The following NUP93 variants were observed in gnomAD, a reference collection of about 807,000 sequenced individuals.
NUP93 encodes nuclear pore complex protein Nup93.
Under a neutral mutation model 107.8 loss-of-function variants are expected in NUP93, and 55 were observed. That is an observed-to-expected ratio of 0.51 (90% CI 0.41 to 0.64). NUP93 has a LOEUF of 0.64. NUP93 is among the 30% of genes least tolerant of loss of function. The pLI, the probability that NUP93 is intolerant of heterozygous loss-of-function variation, is 0.00. For missense variants in NUP93, 937 were observed against 1,044.7 expected (o/e 0.90, Z 1.42); for synonymous variants, 390 against 397.5 (o/e 0.98, Z 0.22).
At chr16:56,795,837 G>C (rs1962885120) in intron 3 of NUP93, among the ~76,000 whole-genome samples, 1 of 152,040 alleles carries the variant, frequency 6.6e-6, no homozygotes, top group Admixed American at 6.6e-5. Context: ...AGTAGAGACA[G>C]GGTTTCACCA....
intron 3 of NUP93, among the ~76,000 whole-genome samples, chr16:56,788,920 T>C (rs1962691512): frequency 6.6e-6 from 1 of 152,230 alleles, no homozygotes; most frequent in East Asian, 1.9e-4. Flanking sequence ...TCCCTGTAGC[T>C]TTCCCCTCTG....
intron 12 of NUP93, 107 bp from the exon 13 acceptor site, chr16:56,833,108 G>A (rs541869898): frequency 3.6e-5 from 33 of 910,124 alleles, no homozygotes; most frequent in Non-Finnish European, 4.7e-5. Context: ...CTTTCTTCCT[G>A]TCCAGCAAGT....
intron 3 of NUP93, chr16:56,782,578 A>T (rs577373396): frequency 1.3e-5 from 2 of 152,244 alleles, no homozygotes; most frequent in African/African-American, 4.8e-5. Flanking sequence ...TTCTTGTATG[A>T]GGTGGAATAT....
chr16:56,832,253 G>A (rs756473498), intron 11 of NUP93, 42 bp from the exon 12 acceptor site: 59 of 1,515,858 alleles, frequency 3.9e-5, no homozygotes, highest in Non-Finnish European at 5.4e-5. Context: ...GTGGCTCAGG[G>A]TGTCATTTGT....
chr16:56,842,805 G>C (rs116756784), intron 21 of NUP93: 1 of 328,642 alleles, frequency 3.0e-6, no homozygotes, highest in Non-Finnish European at 6.0e-6. Flanking sequence ...CCCCAACCTC[G>C]GCCTCCCAAA....
At chr16:56,833,184 G>C in intron 12 of NUP93, 31 bp from the exon 13 acceptor site, 4 of 1,566,418 alleles carry the variant, frequency 2.6e-6, no homozygotes, top group Non-Finnish European at 3.4e-6. Context: ...TTCTAAGTTG[G>C]TTTTATCTCC....
intron 21 of NUP93, among the ~76,000 whole-genome samples, chr16:56,842,176 T>C (rs1183261342): frequency 6.6e-6 from 1 of 152,260 alleles, no homozygotes; most frequent in Non-Finnish European, 1.5e-5. Context: ...AACACTTTTA[T>C]TAAAACCATA....
intron 5 of NUP93, among the ~76,000 whole-genome samples, chr16:56,809,473 G>T (rs1963264788): frequency 6.6e-6 from 1 of 152,096 alleles, no homozygotes; most frequent in African/African-American, 2.4e-5. Context: ...AAAAATTATG[G>T]TGCTAGGTGT....
At position 56,832,032 on chromosome 16, in the gene NUP93, A is replaced by G. The variant is rs1333939762; in HGVS notation, c.1251+25A>G. The G allele has an allele frequency of 6.2e-6, 10 of 1,612,906 alleles. No individual in the cohort carries two copies. The East Asian group carries it at 1.6e-4, about 25-fold the overall frequency. ...GGTAGGCACTGTTTCCCCTGCCCAC[A>G]TAGGGCTTTACCCCTTTTCTGTGCT... On this transcript the variant is annotated intron_variant, in intron 11 of 21. Coordinates refer to ENST00000308159, the MANE Select transcript of NUP93 (RefSeq NM_014669.5).
chr16:56,841,621 C>T lies in NUP93; in HGVS notation c.2221-84C>T. ...TGAGGAGTGGTGCAACCAGGCCTGC[C>T]TGGAGCAGCCCACCCTCCCTCCATC... On this transcript the variant is annotated intron_variant, in intron 20 of 21. Coordinates refer to ENST00000308159, the MANE Select transcript of NUP93 (RefSeq NM_014669.5). The T allele has an allele frequency of 2.6e-6, 4 of 1,542,726 alleles. No individual in the cohort carries two copies. In the South Asian group the frequency reaches 4.9e-5, roughly 19 times the overall value.
intron 18 of NUP93, among the ~76,000 whole-genome samples, chr16:56,838,626 T>G (rs1304214203): frequency 3.3e-5 from 5 of 152,188 alleles, no homozygotes; most frequent in Admixed American, 6.5e-5. Context: ...AGTGCAGTAG[T>G]GCAGTCATAG....
chr16:56,833,227 T>C lies in NUP93; in HGVS notation c.1358T>C (p.Phe453Ser). 1 of 1,598,474 alleles carries C rather than the reference T, an allele frequency of 6.3e-7. No homozygotes were observed. Among genetic ancestry groups the C allele is most frequent in the Non-Finnish European group, 8.5e-7 (1 of 1,174,484 alleles). ...QLLEDYGESHFTVNQQPFLYF... is the reference protein window; with the variant it reads ...QLLEDYGESHSTVNQQPFLYF... ...TCCTCTCTCCCAGGCGAGTCCCACT[T>C]TACGGTGAACCAGCAACCCTTCCTC... The change falls in exon 13 of 22, where the codon TTT (phenylalanine) becomes TCT (serine). Residue 453 changes from phenylalanine (F) to serine (S), a missense_variant. Transcript: ENST00000308159.
intron 2 of NUP93, among the ~76,000 whole-genome samples, chr16:56,753,703 C>T (rs147279166): frequency 3.6e-4 from 54 of 151,952 alleles, no homozygotes; most frequent in African/African-American, 1.3e-3. Context: ...GAATCTTCAA[C>T]AAAGATTATA....
intron 3 of NUP93, among the ~76,000 whole-genome samples, chr16:56,780,380 A>G (rs1303778059): frequency 1.3e-5 from 2 of 152,226 alleles, no homozygotes; most frequent in African/African-American, 4.8e-5. Flanking sequence ...AATAAAACAA[A>G]GGAAATCATG....
At chr16:56,823,441 C>T (rs868095748) in intron 7 of NUP93, among the ~76,000 whole-genome samples, 5 of 152,080 alleles carry the variant, frequency 3.3e-5, no homozygotes, top group Admixed American at 2.6e-4. Flanking sequence ...TAATTATGTA[C>T]GTGGTTATGT....
intron 5 of NUP93, among the ~76,000 whole-genome samples, chr16:56,808,988 C>G (rs1454034007): frequency 1.3e-5 from 2 of 151,886 alleles, no homozygotes; most frequent in African/African-American, 4.8e-5. Flanking sequence ...TGTCTTTATA[C>G]AAGTATATGA....
intron 3 of NUP93, among the ~76,000 whole-genome samples, chr16:56,761,643 TTAAAG>T (rs1962128691): frequency 6.6e-6 from 1 of 152,174 alleles, no homozygotes; most frequent in East Asian, 1.9e-4. Context: ...TATAAGCCAC[TTAAAG>T]TACTGTTATA....
intron 7 of NUP93, among the ~76,000 whole-genome samples, chr16:56,823,217 G>A (rs1482425257): frequency 6.6e-6 from 1 of 152,146 alleles, no homozygotes; most frequent in Non-Finnish European, 1.5e-5. Flanking sequence ...ACGTAAGAGC[G>A]GTGGCCCCTG....
At chr16:56,763,740 A>T (rs187341730) in intron 3 of NUP93, among the ~76,000 whole-genome samples, 2 of 152,160 alleles carry the variant, frequency 1.3e-5, no homozygotes, top group African/African-American at 2.4e-5. Context: ...TGAGGAAAAG[A>T]CAAAACTTCC....
Sources: gnomAD v4.1 joint callset for allele counts (sites outside exome capture counted in the v4.1 genomes callset) on GRCh38, gnomAD v4.1.1 for gene constraint, MANE v1.5 for transcripts, NCBI Gene and HGNC (gene_info 2026-07-23, HGNC 2026-07-21) for gene names.